Variants in LHFPL1 observed in about 807,000 individuals in gnomAD.
LHFPL1 encodes the protein LHFPL tetraspan subfamily member 1 protein.
A neutral mutation model predicts 12.1 loss-of-function variants in LHFPL1; 4 were observed. That is an observed-to-expected ratio of 0.33 (90% CI 0.16 to 0.76). The LOEUF (loss-of-function observed/expected upper bound fraction) is 0.76. Among genes scored for constraint, LHFPL1 ranks in the 30% least tolerant of loss-of-function variants. The probability of loss-of-function intolerance (pLI) is 0.61; values close to 1 mark genes in which losing one functional copy is unlikely to be tolerated. For missense variants in LHFPL1, 141 were observed against 174.1 expected (o/e 0.81, Z 1.07); for synonymous variants, 52 against 61.9 (o/e 0.84, Z 0.75).
At chrX:112,645,708 A>T (rs1447574681) in intron 3 of LHFPL1, among the ~76,000 whole-genome samples, 7 of 112,030 alleles carry the variant, frequency 6.2e-5, no homozygotes, top group Non-Finnish European at 1.3e-4. Context: ...ACTTCTCAAG[A>T]ATTCATCTGT....
At chrX:112,659,017 A>AGAC (rs1227537036) in intron 3 of LHFPL1, among the ~76,000 whole-genome samples, 1 of 112,351 alleles carries the variant, frequency 8.9e-6, no homozygotes, top group African/African-American at 3.2e-5. Context: ...TGAAAAAGCC[A>AGAC]GACACACAAA....
At chrX:112,632,450 T>C (rs748644658) in intron 3 of LHFPL1, among the ~76,000 whole-genome samples, 1 of 111,729 alleles carries the variant, frequency 9.0e-6, no homozygotes, top group East Asian at 2.8e-4. Flanking sequence ...GCTATTACTT[T>C]ACAAGGTATC....
intron 1 of LHFPL1, among the ~76,000 whole-genome samples, chrX:112,675,859 T>C (rs1037610915): frequency 7.1e-5 from 8 of 112,456 alleles, no homozygotes; most frequent in East Asian, 2.8e-4. Flanking sequence ...CAATATAAAG[T>C]TAAAAGTGAC....
intron 3 of LHFPL1, among the ~76,000 whole-genome samples, chrX:112,644,100 C>T (rs1930613691): frequency 8.9e-6 from 1 of 112,241 alleles, no homozygotes; most frequent in African/African-American, 3.2e-5. Flanking sequence ...TTAAGCAACA[C>T]CTAAGCCATG....
At chrX:112,642,495 G>T (rs1930542114) in intron 3 of LHFPL1, among the ~76,000 whole-genome samples, 1 of 108,780 alleles carries the variant, frequency 9.2e-6, no homozygotes, top group South Asian at 4.4e-4. Flanking sequence ...GCAGGACTGA[G>T]AAAGCAGCAG....
At chrX:112,634,305 G>C (rs1324118866) in intron 3 of LHFPL1, among the ~76,000 whole-genome samples, 1 of 110,718 alleles carries the variant, frequency 9.0e-6, no homozygotes, top group Non-Finnish European at 1.9e-5. Flanking sequence ...CCCTAAGGAG[G>C]GGGGGCTCCT....
At chrX:112,642,595 T>C in intron 3 of LHFPL1, among the ~76,000 whole-genome samples, 1 of 108,106 alleles carries the variant, frequency 9.3e-6, no homozygotes, top group Non-Finnish European at 1.9e-5. Flanking sequence ...TTTCCAGTCA[T>C]TGAGCCTACT....
chrX:112,641,924 CTG>C (rs754060095), intron 3 of LHFPL1, among the ~76,000 whole-genome samples: 10 of 112,180 alleles, frequency 8.9e-5, no homozygotes, highest in Non-Finnish European at 1.5e-4. Context: ...GAAACCTACA[CTG>C]TGCTTGATGC....
intron 3 of LHFPL1, chrX:112,648,613 T>C (rs1353055781): frequency 9.0e-6 from 1 of 111,714 alleles, no homozygotes; most frequent in Non-Finnish European, 1.9e-5. Context: ...GACTAGAACT[T>C]AAAGTATTAA....
At chrX:112,646,130 T>C (rs983066670) in intron 3 of LHFPL1, among the ~76,000 whole-genome samples, 1 of 111,278 alleles carries the variant, frequency 9.0e-6, no homozygotes, top group African/African-American at 3.3e-5. Context: ...GTTTCTTCTT[T>C]AAGTGAAGAA....
chrX:112,659,233 C>T (rs1029873039), intron 3 of LHFPL1, among the ~76,000 whole-genome samples: 6 of 111,204 alleles, frequency 5.4e-5, no homozygotes, highest in African/African-American at 2.0e-4. Context: ...CAAAGGTAGG[C>T]GGATCACCTG....
At chrX:112,642,407 A>G (rs1441148460) in intron 3 of LHFPL1, among the ~76,000 whole-genome samples, 3 of 104,098 alleles carry the variant, frequency 2.9e-5, no homozygotes, top group African/African-American at 1.0e-4. Context: ...GGGCTTCACC[A>G]TGTTGCCCAG....
chrX:112,642,051 C>G (rs1288256957), intron 3 of LHFPL1, among the ~76,000 whole-genome samples: 1 of 111,013 alleles, frequency 9.0e-6, no homozygotes, highest in Admixed American at 9.5e-5. Context: ...ACACAGAACA[C>G]AGATATAACA....
chrX:112,638,101 AGGAATTATT>A (rs1420754857), intron 3 of LHFPL1, among the ~76,000 whole-genome samples: 1 of 112,015 alleles, frequency 8.9e-6, no homozygotes, highest in Non-Finnish European at 1.9e-5. Context: ...TCCAAATTCT[AGGAATTATT>A]GGAATTAGAA....
chrX:112,661,204 C>T (rs780930841), intron 2 of LHFPL1, among the ~76,000 whole-genome samples: 1 of 111,240 alleles, frequency 9.0e-6, no homozygotes, highest in Non-Finnish European at 1.9e-5. Flanking sequence ...CAGGGAACCA[C>T]ACTCCTCCCC....
At chrX:112,674,422 A>G (rs773007048) in intron 1 of LHFPL1, among the ~76,000 whole-genome samples, 2 of 111,998 alleles carry the variant, frequency 1.8e-5, no homozygotes, top group East Asian at 5.6e-4. Context: ...CAAATGCAAT[A>G]AAAACAAAGA....
intron 2 of LHFPL1, among the ~76,000 whole-genome samples, chrX:112,668,861 G>A (rs1931411267): frequency 8.9e-6 from 1 of 112,214 alleles, no homozygotes; most frequent in Non-Finnish European, 1.9e-5. Context: ...CTGGGGGTAT[G>A]GGAGCCACTT....
At chrX:112,666,303 C>T (rs1394629364) in intron 2 of LHFPL1, among the ~76,000 whole-genome samples, 1 of 110,818 alleles carries the variant, frequency 9.0e-6, no homozygotes, top group Non-Finnish European at 1.9e-5. Flanking sequence ...TCACTTACCA[C>T]CCCCCCAGCC....
In LHFPL1 at chrX:112,631,337, G is replaced by C; in HGVS notation, c.*83C>G. On this transcript the variant is annotated 3_prime_UTR_variant, in exon 4 of 4. Transcript: ENST00000371968. Reference sequence around the variant, plus strand: ...CACTAGGCTATGCTAATGACAGTCAGATGACAAATGGCCTAATCCTTAGTA... The same window carrying C: ...CACTAGGCTATGCTAATGACAGTCACATGACAAATGGCCTAATCCTTAGTA... The C allele has an allele frequency of 1.2e-6, 1 of 852,711 alleles. No homozygotes were observed. Among genetic ancestry groups the C allele is most frequent in the Non-Finnish European group, 1.6e-6 (1 of 607,547 alleles). 70.3% of individuals were successfully genotyped at this position (852,711 alleles called of 1,213,427 possible).
Sources: allele counts gnomAD v4.1 joint callset (sites outside exome capture counted in the v4.1 genomes callset), GRCh38; gene constraint gnomAD v4.1.1; transcripts MANE v1.5; gene names NCBI Gene and HGNC (gene_info 2026-07-23, HGNC 2026-07-21).